Variants in IYD observed in about 807,000 individuals in gnomAD.
The protein encoded by IYD is iodotyrosine deiodinase.
In IYD, 25 loss-of-function variants were observed where a neutral mutation model predicts 28.4. That is an observed-to-expected ratio of 0.88 (90% CI 0.64 to 1.23). The LOEUF (loss-of-function observed/expected upper bound fraction) is 1.23. Among genes scored for constraint, IYD ranks in the 50% most tolerant of loss-of-function variants. The pLI, the probability that IYD is intolerant of heterozygous loss-of-function variation, is 0.00. For missense variants in IYD, 352 were observed against 357.9 expected, an observed-to-expected ratio of 0.98 and a Z score of 0.13; for synonymous variants, 140 against 130.8, an observed-to-expected ratio of 1.07 and a Z score of -0.48.
intron 1 of IYD, among the ~76,000 whole-genome samples, chr6:150,382,114 G>A (rs561445483): frequency 2.6e-5 from 4 of 152,188 alleles, no homozygotes; most frequent in African/African-American, 9.6e-5. Flanking sequence ...GGCCTCTGCT[G>A]TAGATAGCTA....
Position 150,369,121 on chromosome 6 carries a change from G to A in IYD, c.90G>A (p.Lys30=), listed in dbSNP as rs146748197. 1.1e-3 allele frequency: 1,801 copies of A among 1,613,996 alleles called. 7 individuals carry two copies. Among genetic ancestry groups the A allele is most frequent in the Non-Finnish European group, 1.3e-3 (1,500 of 1,179,996 alleles). The change falls in exon 1 of 5, where the codon AAG becomes AAA. Residue 30 remains lysine, a synonymous_variant. Coordinates refer to ENST00000344419, the MANE Select transcript of IYD (RefSeq NM_203395.3). ...FKNADRSMEK[K]KGEPRTRAEA... is the part of the protein sequence containing the mutation. Reference sequence around the variant, plus strand: ...ATGCCGACAGAAGCATGGAGAAAAAGAAGGGGGAGCCTAGAACCAGGGCCG... The same window carrying A: ...ATGCCGACAGAAGCATGGAGAAAAAAAAGGGGGAGCCTAGAACCAGGGCCG...
intron 1 of IYD, among the ~76,000 whole-genome samples, chr6:150,374,101 C>G (rs1339107): frequency 0.16 from 23,640 of 152,232 alleles, 3,677 homozygotes; most frequent in African/African-American, 0.39. Context: ...CTTCACTCCA[C>G]TGCTTTGGAG....
rs1432080732 is a variant in IYD, at chr6:150,402,984, G to A, written c.*4747G>A. ...GCTCTGTCACCCAGGCTAGAATGCA[G>A]TGGTGTGATTATAGCTCACTGCAGC... On this transcript the variant is annotated 3_prime_UTR_variant, in exon 5 of 5. Transcript: ENST00000344419. 2.0e-5 allele frequency: 3 copies of A among 152,140 alleles called. No homozygotes were observed. Among genetic ancestry groups the A allele is most frequent in the Non-Finnish European group, 4.4e-5 (3 of 68,028 alleles). 9.4% of individuals were successfully genotyped at this position (152,140 alleles called of 1,614,324 possible).
At chr6:150,394,057 A>C in intron 3 of IYD, 42 bp from the exon 4 acceptor site, 1 of 1,605,636 alleles carries the variant, frequency 6.2e-7, no homozygotes, top group Non-Finnish European at 8.5e-7. Context: ...GAGAACAAAA[A>C]ATATGGGCAA....
At chr6:150,375,959 C>T (rs1777431214) in intron 1 of IYD, among the ~76,000 whole-genome samples, 1 of 152,174 alleles carries the variant, frequency 6.6e-6, no homozygotes, top group South Asian at 2.1e-4. Context: ...ACTGTAAAAA[C>T]ACTAAAGCAA....
chr6:150,392,585 T>C, intron 3 of IYD, 81 bp downstream of exon 3: 2 of 1,441,590 alleles, frequency 1.4e-6, no homozygotes, highest in Admixed American at 3.6e-5. Context: ...CCTGGCTTTG[T>C]TGTAAGCGTG....
chr6:150,372,585 GT>G lies in IYD; in HGVS notation c.178+3377del. ...TGTGTGTGTGTGGGCGGTGTGGGGG[GT>G]GGTGAGGGAACATTGTGTTGGTCCA... is the stretch of plus-strand genomic sequence containing the variant. On this transcript the variant is annotated intron_variant, in intron 1 of 4. Coordinates refer to ENST00000344419, the MANE Select transcript of IYD (RefSeq NM_203395.3). Among the ~76,000 whole-genome samples, 8 of 19,942 alleles carry G rather than the reference GT, an allele frequency of 4.0e-4. 1 individual carries two copies. The highest frequency in any genetic ancestry group is 3.0e-3 in the South Asian group (2 of 666). 13.1% of individuals were successfully genotyped at this position (19,942 alleles called of 152,430 possible). A position where few individuals can be genotyped will look rare whatever the true frequency, so the allele number is the denominator to read the frequency against.
rs1778527699 is a variant in IYD at position 150,402,084 on chromosome 6, C to G, written c.*3847C>G. On this transcript the variant is annotated 3_prime_UTR_variant, in exon 5 of 5. Coordinates refer to ENST00000344419, the MANE Select transcript of IYD (RefSeq NM_203395.3). ...GTGATTGGGTACCACATTTTGAGAA[C>G]CATGGGGCATTGGCAATCAACAAAT... The G allele has an allele frequency of 6.6e-6, 1 of 152,176 alleles. No individual in the cohort carries two copies. The highest frequency in any genetic ancestry group is 2.4e-5 in the African/African-American group (1 of 41,430). 9.4% of individuals were successfully genotyped at this position (152,176 alleles called of 1,614,324 possible).
chr6:150,405,307 A>T lies in IYD; in HGVS notation c.*7070A>T, dbSNP rs1231126052. 4 of 152,082 alleles carry T rather than the reference A, an allele frequency of 2.6e-5. No individual in the cohort carries two copies. Among genetic ancestry groups the T allele is most frequent in the African/African-American group, 9.7e-5 (4 of 41,360 alleles). 9.4% of individuals were successfully genotyped at this position (152,082 alleles called of 1,614,324 possible). The stretch of plus-strand genomic sequence containing the variant: ...CTGCTTTCTCTGTCCCTCCACTTAG[A>T]TGTTAGTAGGCACCACAACCTTTTA... On this transcript the variant is annotated 3_prime_UTR_variant, in exon 5 of 5. Coordinates refer to ENST00000344419, the MANE Select transcript of IYD (RefSeq NM_203395.3).
At chr6:150,383,382 A>G (rs1312681610) in intron 1 of IYD, among the ~76,000 whole-genome samples, 1 of 152,188 alleles carries the variant, frequency 6.6e-6, no homozygotes, top group Non-Finnish European at 1.5e-5. Flanking sequence ...ATTGGAAAAT[A>G]CATAATACTC....
intron 2 of IYD, among the ~76,000 whole-genome samples, chr6:150,390,585 A>G (rs973550031): frequency 3.9e-5 from 6 of 152,156 alleles, no homozygotes; most frequent in African/African-American, 1.4e-4. Context: ...TGTGGCAAGC[A>G]AGAACCCCAC....
intron 1 of IYD, among the ~76,000 whole-genome samples, chr6:150,369,448 G>A (rs1777139641): frequency 6.6e-6 from 1 of 152,214 alleles, no homozygotes; most frequent in African/African-American, 2.4e-5. Flanking sequence ...AAGCTGTTGA[G>A]AGGCTGAAGT....
intron 1 of IYD, among the ~76,000 whole-genome samples, chr6:150,377,497 G>A (rs926861524): frequency 3.9e-5 from 6 of 152,226 alleles, no homozygotes; most frequent in African/African-American, 1.4e-4. Context: ...ACTGCTCCGA[G>A]AGTGCACTCA....
intron 3 of IYD, 23 bp from the exon 4 acceptor site, chr6:150,394,076 C>T (rs1778221117): frequency 6.2e-7 from 1 of 1,612,266 alleles, no homozygotes; most frequent in South Asian, 1.1e-5. Flanking sequence ...AAATATTATC[C>T]TGAATCTCTT....
rs1396969519 is a variant in IYD at position 150,398,759 on chromosome 6, T to C, written c.*522T>C. The C allele has an allele frequency of 6.4e-6, 1 of 155,764 alleles. No individual in the cohort carries two copies. The highest frequency in any genetic ancestry group is 1.9e-4 in the East Asian group (1 of 5,246). The allele number at this position is 155,764 out of a possible 1,614,324, so 9.6% of individuals were successfully genotyped here. On this transcript the variant is annotated 3_prime_UTR_variant, in exon 5 of 5. Transcript: ENST00000344419. ...AGTAACCATCAAAGTTACTAAAACATGGCCAGGCGCAGTGGCTCATGCCTG... is the reference window on the plus strand; with the variant it reads ...AGTAACCATCAAAGTTACTAAAACACGGCCAGGCGCAGTGGCTCATGCCTG...
chr6:150,391,009 C>T (rs1277398821), intron 2 of IYD, among the ~76,000 whole-genome samples: 3 of 152,136 alleles, frequency 2.0e-5, no homozygotes, highest in East Asian at 1.9e-4. Context: ...GAGGCCGAGG[C>T]GAGCAGATCA....
Position 150,392,346 on chromosome 6 carries a change from A to C in IYD, c.372A>C (p.Gly124=). 1.2e-6 allele frequency: 2 copies of C among 1,613,138 alleles called. No individual in the cohort carries two copies. Among genetic ancestry groups the C allele is most frequent in the Non-Finnish European group, 1.7e-6 (2 of 1,179,866 alleles). Residue 124 remains glycine, a splice_region_variant and synonymous_variant, in exon 3 of 5, where the codon GGA becomes GGC. Coordinates refer to ENST00000344419, the MANE Select transcript of IYD (RefSeq NM_203395.3). ...TGATTTTAATGGAATGGGTGACAGG[A>C]ACAGCCCCGAGTGGGGCTCACACAG... ...EVIDNVIRTA[G]TAPSGAHTEP... is the part of the protein sequence containing the mutation.
intron 3 of IYD, among the ~76,000 whole-genome samples, chr6:150,392,761 G>T (rs1477358620): frequency 6.6e-6 from 1 of 152,126 alleles, no homozygotes; most frequent in Non-Finnish European, 1.5e-5. Context: ...AACATAAAAT[G>T]GTAAAATTCT....
chr6:150,397,998 G>A, intron 4 of IYD, 57 bp from the exon 5 acceptor site: 4 of 1,519,190 alleles, frequency 2.6e-6, no homozygotes, highest in African/African-American at 1.4e-5. Context: ...CAGGTTAGAG[G>A]GAGAGCAGTC....
Sources: allele counts gnomAD v4.1 joint callset (sites outside exome capture counted in the v4.1 genomes callset), GRCh38; gene constraint gnomAD v4.1.1; transcripts MANE v1.5; gene names NCBI Gene and HGNC (gene_info 2026-07-23, HGNC 2026-07-21).